The following TIFA variants were observed in gnomAD, a reference collection of about 807,000 sequenced individuals.
TIFA encodes TRAF interacting protein with forkhead associated domain.
For synonymous variants in TIFA, 75 were observed against 79.2 expected (o/e 0.95, Z 0.28); for missense variants, 186 against 215.2 (o/e 0.86, Z 0.85).
intron 1 of TIFA, 106 bp from the exon 2 acceptor site, chr4:112,278,540 C>G: frequency 1.1e-6 from 1 of 882,478 alleles, no homozygotes; most frequent in Non-Finnish European, 1.7e-6. Context: ...TTTATCTGGA[C>G]TTTAAGAAAA....
In TIFA at chr4:112,277,659, T is replaced by C; in HGVS notation, c.*203A>G. On this transcript the variant is annotated 3_prime_UTR_variant, in exon 2 of 2. Coordinates refer to ENST00000361717, the MANE Select transcript of TIFA (RefSeq NM_052864.3). ...AGATTAATAAGAGCAGTTAAAATAA[T>C]TTTGTGTAGATCCAGAATACAACAG... 1 of 393,566 alleles carries C rather than the reference T, an allele frequency of 2.5e-6. No homozygotes were observed. The highest frequency in any genetic ancestry group is 4.4e-6 in the Non-Finnish European group (1 of 224,750). 24.4% of individuals were successfully genotyped at this position (393,566 alleles called of 1,614,324 possible). A position where few individuals can be genotyped will look rare whatever the true frequency, so the allele number is the denominator to read the frequency against.
intron 1 of TIFA, among the ~76,000 whole-genome samples, chr4:112,280,244 C>G (rs1191549939): frequency 1.3e-5 from 2 of 150,448 alleles, no homozygotes; most frequent in Non-Finnish European, 2.9e-5. Context: ...TGTTTGCCAT[C>G]TATATTAGAT....
Position 112,276,487 on chromosome 4 carries a change from TC to T in TIFA, c.*1374del, listed in dbSNP as rs1171197664. On this transcript the variant is annotated 3_prime_UTR_variant, in exon 2 of 2. Transcript: ENST00000361717. ...AGTTCTGGAGACTAGCACATGGACA[TC>T]TGGACATCTTTGGATGGGCCATTAC... 3 of 152,670 alleles carry T rather than the reference TC, an allele frequency of 2.0e-5. No homozygotes were observed. Among genetic ancestry groups the T allele is most frequent in the African/African-American group, 7.2e-5 (3 of 41,444 alleles). 9.5% of individuals were successfully genotyped at this position (152,670 alleles called of 1,614,324 possible). A position where few individuals can be genotyped will look rare whatever the true frequency, so the allele number is the denominator to read the frequency against.
intron 1 of TIFA, among the ~76,000 whole-genome samples, chr4:112,280,349 T>A (rs1727205034): frequency 7.5e-6 from 1 of 132,998 alleles, no homozygotes; most frequent in Non-Finnish European, 1.6e-5. Flanking sequence ...TTTCCTTTTT[T>A]TTTTTTTTTT....
intron 1 of TIFA, among the ~76,000 whole-genome samples, chr4:112,280,377 G>A (rs904280494): frequency 8.6e-5 from 9 of 104,898 alleles, no homozygotes; most frequent in Admixed American, 3.0e-4. Flanking sequence ...TGGAGACAGC[G>A]TCTTGCTGTC....
chr4:112,284,086 T>C (rs544225481), intron 1 of TIFA, among the ~76,000 whole-genome samples: 2 of 152,304 alleles, frequency 1.3e-5, no homozygotes, highest in East Asian at 3.9e-4. Flanking sequence ...ACAGAAGGCA[T>C]AGATGCTGCA....
At chr4:112,280,841 C>T (rs1375894890) in intron 1 of TIFA, among the ~76,000 whole-genome samples, 2 of 152,084 alleles carry the variant, frequency 1.3e-5, no homozygotes, top group African/African-American at 2.4e-5. Context: ...CATCATATTG[C>T]TCTACCCAAG....
chr4:112,280,976 G>A (rs1384026440), intron 1 of TIFA, among the ~76,000 whole-genome samples: 1 of 152,096 alleles, frequency 6.6e-6, no homozygotes, highest in Non-Finnish European at 1.5e-5. Flanking sequence ...GGGTAAAACT[G>A]GTTAATCCAT....
chr4:112,277,673 A>ACC lies in TIFA; in HGVS notation c.*188_*189insGG. 2.6e-6 allele frequency: 1 copy of ACC among 384,362 alleles called. No homozygotes were observed. The highest frequency in any genetic ancestry group is 4.4e-6 in the Non-Finnish European group (1 of 229,144). The allele number at this position is 384,362 out of a possible 1,614,324, so 23.8% of individuals were successfully genotyped here. On this transcript the variant is annotated 3_prime_UTR_variant, in exon 2 of 2. Coordinates refer to ENST00000361717, the MANE Select transcript of TIFA (RefSeq NM_052864.3). ...AGTTAAAATAATTTTGTGTAGATCCAGAATACAACAGGTGACTAAGTTAAT... is the reference window on the plus strand; with the variant it reads ...AGTTAAAATAATTTTGTGTAGATCCACCGAATACAACAGGTGACTAAGTTAAT...
intron 1 of TIFA, among the ~76,000 whole-genome samples, chr4:112,283,282 G>T (rs1329949248): frequency 3.9e-5 from 6 of 152,140 alleles, no homozygotes; most frequent in African/African-American, 1.4e-4. Flanking sequence ...CTAATACTGG[G>T]GAGGGAAATA....
At chr4:112,279,474 CTT>C (rs1727182841) in intron 1 of TIFA, among the ~76,000 whole-genome samples, 2 of 152,178 alleles carry the variant, frequency 1.3e-5, no homozygotes, top group South Asian at 2.1e-4. Context: ...CACCTGAACT[CTT>C]TGTCTTTCTC....
At chr4:112,281,508 T>C (rs1243026559) in intron 1 of TIFA, among the ~76,000 whole-genome samples, 1 of 152,192 alleles carries the variant, frequency 6.6e-6, no homozygotes, top group Admixed American at 6.5e-5. Context: ...GTTTGATGAA[T>C]CTCTGGGTTC....
At chr4:112,285,573 G>C (rs1727308651) in intron 1 of TIFA, 67 bp downstream of exon 1, 1 of 152,316 alleles carries the variant, frequency 6.6e-6, no homozygotes, top group Admixed American at 6.5e-5. Context: ...CAAAGCTGCT[G>C]TCTTTGCGGG....
chr4:112,281,217 G>A (rs770054109), intron 1 of TIFA, among the ~76,000 whole-genome samples: 2 of 152,288 alleles, frequency 1.3e-5, no homozygotes, highest in Admixed American at 6.5e-5. Flanking sequence ...GACTTCAGGC[G>A]ATAAGAATTC....
At chr4:112,284,724 C>G (rs1391460149) in intron 1 of TIFA, among the ~76,000 whole-genome samples, 1 of 151,718 alleles carries the variant, frequency 6.6e-6, no homozygotes, top group East Asian at 1.9e-4. Flanking sequence ...ACTGAGCACA[C>G]AGGAGGGGAA....
chr4:112,277,971 A>G lies in TIFA; in HGVS notation c.446T>C (p.Leu149Ser). Residue 149 changes from leucine (L) to serine (S), a missense_variant, in exon 2 of 2, where the codon TTG becomes TCG. Physicochemically the swap from Leu to Ser is moderately radical, Grantham distance 145. Coordinates refer to ENST00000361717, the MANE Select transcript of TIFA (RefSeq NM_052864.3). ...GTGTGGTGGCCAGTTGTTTTCTTGC[A>G]AGAGTGATCTTGGAGATAAAATAAA... is the stretch of plus-strand genomic sequence containing the variant. Reference protein sequence around the residue: ...TQFILSPRSLLQENNWPPHRP... With the variant: ...TQFILSPRSLSQENNWPPHRP... 1 of 1,614,026 alleles carries G rather than the reference A, an allele frequency of 6.2e-7. No individual in the cohort carries two copies. Among genetic ancestry groups the G allele is most frequent in the East Asian group, 2.2e-5 (1 of 44,880 alleles).
In TIFA at chr4:112,284,390, C is replaced by T. The variant is rs539059848; in HGVS notation, c.-19+1250G>A. Among the ~76,000 whole-genome samples the T allele has an allele frequency of 3.9e-5, 6 of 152,092 alleles. No homozygotes were observed. The South Asian group carries it at 1.2e-3, about 32-fold the overall frequency. ...CCTCTCCTTGCCAAAGGGTGTTCGG[C>T]CTTAAAATGCCATAAACAAAAACAT... On this transcript the variant is annotated intron_variant, in intron 1 of 1. Transcript: ENST00000361717.
Position 112,278,348 on chromosome 4 carries a change from A to C in TIFA, c.69T>G (p.Pro23=). The change falls in exon 2 of 2, where the codon CCT becomes CCG. Residue 23 remains proline, a synonymous_variant. Transcript: ENST00000361717. ...VTCLQMTVYH[P]GQLQCGIFQS... Reference sequence around the variant, plus strand: ...GAAATATTCCACACTGCAACTGGCCAGGATGGTAAACCGTCATCTGGAGAC... The same window carrying C: ...GAAATATTCCACACTGCAACTGGCCCGGATGGTAAACCGTCATCTGGAGAC... The C allele has an allele frequency of 6.2e-7, 1 of 1,610,478 alleles. No homozygotes were observed. Among genetic ancestry groups the C allele is most frequent in the South Asian group, 1.1e-5 (1 of 90,342 alleles).
At chr4:112,279,589 C>CAT (rs1451068332) in intron 1 of TIFA, among the ~76,000 whole-genome samples, 1 of 152,154 alleles carries the variant, frequency 6.6e-6, no homozygotes, top group African/African-American at 2.4e-5. Flanking sequence ...CACAAACACA[C>CAT]ATACGAGCAC....
Sources: allele counts gnomAD v4.1 joint callset (sites outside exome capture counted in the v4.1 genomes callset), GRCh38; gene constraint gnomAD v4.1.1; transcripts MANE v1.5; gene names NCBI Gene and HGNC (gene_info 2026-07-23, HGNC 2026-07-21).